Variants in ASXL2 observed in about 807,000 individuals in gnomAD.
The protein encoded by ASXL2 is ASXL transcriptional regulator 2, also known as putative Polycomb group protein ASXL2.
ASXL2 carries 23 observed loss-of-function variants against 122.0 expected under a neutral mutation model. The ratio of observed to expected loss-of-function variants is 0.19; its 90% CI spans 0.14 to 0.27. The LOEUF is 0.27. Ranked by LOEUF, ASXL2 falls within the 10% of genes least tolerant of loss-of-function variation. The pLI is 1.00. For synonymous variants in ASXL2, 650 were observed against 637.0 expected, an observed-to-expected ratio of 1.02 and a Z score of -0.31; for missense variants, 1,518 against 1,713.8, an observed-to-expected ratio of 0.89 and a Z score of 2.02.
intron 11 of ASXL2, among the ~76,000 whole-genome samples, chr2:25,751,904 G>A (rs1574396551): frequency 6.6e-6 from 1 of 151,922 alleles, no homozygotes; most frequent in East Asian, 1.9e-4. Context: ...CCTGAGCCTG[G>A]GTCTACAGGT....
intron 1 of ASXL2, chr2:25,856,882 A>T: frequency 1.4e-6 from 1 of 722,412 alleles, no homozygotes; most frequent in Non-Finnish European, 2.5e-6. Context: ...TTCTGGTCAA[A>T]GGGGTCCTCG....
intron 1 of ASXL2, among the ~76,000 whole-genome samples, chr2:25,862,260 A>T (rs910794079): frequency 6.6e-6 from 1 of 152,222 alleles, no homozygotes; most frequent in Non-Finnish European, 1.5e-5. Flanking sequence ...AATTAAGAAA[A>T]TACCTAAAAC....
intron 1 of ASXL2, among the ~76,000 whole-genome samples, chr2:25,849,702 C>T (rs1018080131): frequency 6.6e-6 from 1 of 151,908 alleles, no homozygotes; most frequent in Non-Finnish European, 1.5e-5. Flanking sequence ...TCTCGAACTG[C>T]TGGGTTTTTG....
chr2:25,866,469 C>T (rs992433202), intron 1 of ASXL2, among the ~76,000 whole-genome samples: 11 of 152,116 alleles, frequency 7.2e-5, no homozygotes, highest in Non-Finnish European at 1.6e-4. Flanking sequence ...TCAGCAAATT[C>T]CCTATGGGAG....
rs2088207253 is a variant in ASXL2 at position 25,759,718 on chromosome 2, G to A, written c.776-73C>T. On this transcript the variant is annotated intron_variant, in intron 8 of 12. Transcript: ENST00000435504. ...TTCTATATAAACTGTAGCTTTCTGT[G>A]CAGTATAAAAAATCCACAATTGTAA... The A allele has an allele frequency of 6.2e-6, 9 of 1,460,836 alleles. No homozygotes were observed. In the Admixed American group the frequency reaches 1.2e-4, roughly 20 times the overall value. 90.5% of individuals were successfully genotyped at this position (1,460,836 alleles called of 1,614,324 possible).
intron 12 of ASXL2, among the ~76,000 whole-genome samples, 193 bp downstream of exon 12, chr2:25,749,503 C>T (rs912485258): frequency 1.3e-5 from 2 of 152,140 alleles, no homozygotes; most frequent in African/African-American, 2.4e-5. Flanking sequence ...CAGTAAAGAC[C>T]TGTATGTAGG....
chr2:25,758,767 C>G (rs2088185278), intron 9 of ASXL2, among the ~76,000 whole-genome samples: 1 of 149,310 alleles, frequency 6.7e-6, no homozygotes, highest in South Asian at 2.1e-4. Context: ...CAAAATGTAA[C>G]AAAAGAATGC....
At chr2:25,842,971 G>A (rs988466420) in intron 2 of ASXL2, among the ~76,000 whole-genome samples, 19 of 149,252 alleles carry the variant, frequency 1.3e-4, no homozygotes, top group African/African-American at 4.2e-4. Context: ...ACACGCAAGC[G>A]TCACCACACC....
intron 2 of ASXL2, among the ~76,000 whole-genome samples, chr2:25,839,965 A>C (rs1159592413): frequency 6.6e-6 from 1 of 150,956 alleles, no homozygotes; most frequent in East Asian, 1.9e-4. Flanking sequence ...CCCAGGCCTC[A>C]AGTAATCCTC....
At chr2:25,831,440 T>C (rs1407983150) in intron 3 of ASXL2, among the ~76,000 whole-genome samples, 1 of 152,022 alleles carries the variant, frequency 6.6e-6, no homozygotes, top group Non-Finnish European at 1.5e-5. Context: ...GCAGGCAAAC[T>C]GTTTGAGCTC....
In ASXL2 at chr2:25,750,072, G is replaced by A. The variant is rs945908753; in HGVS notation, c.1484C>T (p.Thr495Ile). Residue 495 changes from threonine (T) to isoleucine (I), a missense_variant, in exon 12 of 13, where the codon ACC (threonine) becomes ATC (isoleucine). Thr to Ile is a moderately conservative substitution (Grantham distance 89, BLOSUM62 -1). This residue lies in a region of ASXL2 where 292 missense variants were observed against 293.5 expected (regional missense o/e 1.00). Transcript: ENST00000435504. ...CTTCTCAGATTCCTGTTCAGCAGAG[G>A]TGACTGGCTTCTGCTCCAAGAGATC... ...DEDLLEQKPV[T>I]SAEQESEKNH... The A allele has an allele frequency of 2.5e-6, 4 of 1,613,840 alleles. No homozygotes were observed. The African/African-American group carries it at 4.0e-5, about 16-fold the overall frequency.
In ASXL2 at chr2:25,774,886, T is replaced by A. The variant is rs542370506; in HGVS notation, c.404-3346A>T. ...ATTTTCATTTCAATCTCCTGGTTGCTGTGTTTATATCAGGCTTTCTCAGAT... is the reference window on the plus strand; with the variant it reads ...ATTTTCATTTCAATCTCCTGGTTGCAGTGTTTATATCAGGCTTTCTCAGAT... On this transcript the variant is annotated intron_variant, in intron 5 of 12. Coordinates refer to ENST00000435504, the MANE Select transcript of ASXL2 (RefSeq NM_018263.6). 3.3e-5 allele frequency among the ~76,000 whole-genome samples: 5 copies of A among 152,362 alleles called. No homozygotes were observed. In the East Asian group the frequency reaches 9.6e-4, roughly 29 times the overall value.
intron 3 of ASXL2, among the ~76,000 whole-genome samples, chr2:25,824,683 T>G (rs937936059): frequency 2.0e-5 from 3 of 152,232 alleles, no homozygotes; most frequent in Non-Finnish European, 4.4e-5. Context: ...AACAGTATAT[T>G]CAACTGTAAA....
intron 1 of ASXL2, among the ~76,000 whole-genome samples, chr2:25,852,009 A>G (rs1312110452): frequency 6.6e-6 from 1 of 151,310 alleles, no homozygotes; most frequent in African/African-American, 2.4e-5. Flanking sequence ...GGCCACATAT[A>G]TTACTGAGCA....
intron 1 of ASXL2, among the ~76,000 whole-genome samples, chr2:25,855,761 G>A (rs559442546): frequency 3.3e-5 from 5 of 149,620 alleles, no homozygotes; most frequent in Admixed American, 6.6e-5. Context: ...GCTTGATCCC[G>A]GGAGGCAGAG....
chr2:25,804,529 T>C (rs953167252), intron 4 of ASXL2, among the ~76,000 whole-genome samples: 1 of 152,172 alleles, frequency 6.6e-6, no homozygotes, highest in African/African-American at 2.4e-5. Flanking sequence ...TGAAGTTATA[T>C]ATGATGAGGA....
intron 5 of ASXL2, among the ~76,000 whole-genome samples, chr2:25,781,813 C>T (rs1238536704): frequency 2.0e-5 from 3 of 151,790 alleles, no homozygotes; most frequent in East Asian, 1.9e-4. Flanking sequence ...GGACTACAGG[C>T]GCGTGCCACC....
In ASXL2 at chr2:25,742,295, T is replaced by C. The variant is rs1351236756; in HGVS notation, c.4042A>G (p.Ser1348Gly). 9 of 1,613,946 alleles carry C rather than the reference T, an allele frequency of 5.6e-6. No homozygotes were observed. The highest frequency in any genetic ancestry group is 7.6e-6 in the Non-Finnish European group (9 of 1,179,866). The stretch of plus-strand genomic sequence containing the variant: ...TCACCTACATTGCTAGATACCTGGC[T>C]ACCTGGTACAGCAGAGTTATGGTCC... ...DMDHNSAVPGSQVSSNVGDVM... is the reference protein window; with the variant it reads ...DMDHNSAVPGGQVSSNVGDVM... The change falls in exon 13 of 13, where the codon AGC (serine) becomes GGC (glycine). Residue 1348 changes from serine (S) to glycine (G), a missense_variant. By Grantham distance (56) the Ser-to-Gly change is moderately conservative (BLOSUM62 0). Around this residue, in one of 8 missense-constraint regions of ASXL2, gnomAD observed 831 missense variants for 833.1 expected, o/e 1.00. Transcript: ENST00000435504.
In ASXL2 at chr2:25,737,973, T is replaced by C. The variant is rs1443035866; in HGVS notation, c.*4056A>G. 1.3e-5 allele frequency: 2 copies of C among 151,956 alleles called. No homozygotes were observed. Among genetic ancestry groups the C allele is most frequent in the Admixed American group, 6.6e-5 (1 of 15,256 alleles). The allele number at this position is 151,956 out of a possible 1,614,324, so 9.4% of individuals were successfully genotyped here. A position where few individuals can be genotyped will look rare whatever the true frequency, so the allele number is the denominator to read the frequency against. On this transcript the variant is annotated 3_prime_UTR_variant, in exon 13 of 13. Coordinates refer to ENST00000435504, the MANE Select transcript of ASXL2 (RefSeq NM_018263.6). The stretch of plus-strand genomic sequence containing the variant: ...ACCTTACAGCCAGAAGGGAAAAAAA[T>C]AGCTTGTGGTAAATAAGTCAATTTT...
Sources: allele counts gnomAD v4.1 joint callset (sites outside exome capture counted in the v4.1 genomes callset), GRCh38; gene constraint gnomAD v4.1.1; regional missense constraint gnomAD v4.1.1; transcripts MANE v1.5; gene names NCBI Gene and HGNC (gene_info 2026-07-23, HGNC 2026-07-21).